Variants in CLIP3 observed in about 807,000 individuals in gnomAD.
CLIP3 encodes CAP-Gly domain containing linker protein 3.
Under a neutral mutation model 59.4 loss-of-function variants are expected in CLIP3, and 15 were observed. The ratio of observed to expected loss-of-function variants is 0.25; its 90% confidence interval spans 0.17 to 0.39. CLIP3 has a LOEUF of 0.39. CLIP3 is among the 10% of genes least tolerant of loss of function. The probability of loss-of-function intolerance (pLI) is 1.00; values close to 1 mark genes in which losing one functional copy is unlikely to be tolerated. For synonymous variants in CLIP3, 300 were observed against 321.6 expected (o/e 0.93, Z 0.72); for missense variants, 495 against 765.7 (o/e 0.65, Z 4.17).
chr19:36,024,128 C>T (rs1969026614), intron 7 of CLIP3, among the ~76,000 whole-genome samples: 2 of 152,178 alleles, frequency 1.3e-5, no homozygotes, highest in Admixed American at 1.3e-4. Context: ...CTCTGCTCAC[C>T]CCTCCCCATG....
rs1424344444 is a variant in CLIP3 at position 36,016,156 on chromosome 19, C to T, written c.*2G>A. On this transcript the variant is annotated 3_prime_UTR_variant, in exon 14 of 14. Coordinates refer to ENST00000360535, the MANE Select transcript of CLIP3 (RefSeq NM_015526.3). This position sits in a 1 kb window ranked among gnomAD's most constrained non-coding sequence, Gnocchi z 4.1. ...TGTCTCTTTGTCAGGTGTCCAGGGC[C>T]TCTAAGACTGCATCTCCGCCCTCAG... 1 of 1,613,984 alleles carries T rather than the reference C, an allele frequency of 6.2e-7. No homozygotes were observed. Among genetic ancestry groups the T allele is most frequent in the Admixed American group, 1.7e-5 (1 of 60,004 alleles).
rs766773716 is a variant in CLIP3 at position 36,024,182 on chromosome 19, GT to G, written c.918+213del. On this transcript the variant is annotated intron_variant, in intron 7 of 13. Transcript: ENST00000360535. ...GGCCGTCACTGTCAGATGACGGGTT[GT>G]TTCCCACCCTGGATGGAGAGCTCAG... Among the ~76,000 whole-genome samples the G allele has an allele frequency of 7.9e-5, 12 of 152,332 alleles. No individual in the cohort carries two copies. In the South Asian group the frequency reaches 1.9e-3, roughly 24 times the overall value.
chr19:36,032,512 A>T lies in CLIP3; in HGVS notation c.-58-97T>A, dbSNP rs115491965. 3,727 of 400,618 alleles carry T rather than the reference A, an allele frequency of 9.3e-3. 118 individuals are homozygous for T. Among genetic ancestry groups the T allele is most frequent in the African/African-American group, 0.071 (3,453 of 48,656 alleles). The allele number at this position is 400,618 out of a possible 1,614,324, so 24.8% of individuals were successfully genotyped here. ...CCCCGGGTGGCCTCCGCGCAACTGG[A>T]TCTTGGGCAACCATAGGGACCCCCG... On this transcript the variant is annotated intron_variant, in intron 1 of 13. Transcript: ENST00000360535. This position sits in a 1 kb window ranked among gnomAD's most constrained non-coding sequence, Gnocchi z 4.3.
chr19:36,025,491 T>C (rs1055381420), intron 6 of CLIP3, among the ~76,000 whole-genome samples: 11 of 150,986 alleles, frequency 7.3e-5, no homozygotes, highest in African/African-American at 2.4e-4. Context: ...CTCGGGAGGC[T>C]GAGGCAGGAG....
Position 36,017,694 on chromosome 19 carries a change from G to A in CLIP3, c.1412C>T (p.Pro471Leu), listed in dbSNP as rs200428053. The change falls in exon 11 of 14, where the codon CCG becomes CTG. Residue 471 changes from proline to leucine, a missense_variant. Pro to Leu is a moderately conservative substitution (Grantham distance 98). Transcript: ENST00000360535. The stretch of plus-strand genomic sequence containing the variant: ...TGCTGGTGCGAAGACCCCATGCCTC[G>A]GGGGGCAAGTGAAGTACCGGACACC... Reference protein sequence around the residue: ...VFGVRYFTCPPRHGVFAPASR... With the variant: ...VFGVRYFTCPLRHGVFAPASR... 5.5e-5 allele frequency: 89 copies of A among 1,613,918 alleles called. No individual in the cohort carries two copies. The Admixed American group carries it at 8.3e-4, about 15-fold the overall frequency.
intron 9 of CLIP3, among the ~76,000 whole-genome samples, chr19:36,018,627 A>AT (rs1968866880): frequency 6.6e-6 from 1 of 151,474 alleles, no homozygotes; most frequent in African/African-American, 2.4e-5. Context: ...AAAAGACAGG[A>AT]TCTCCAAGGA....
rs1163413628 is a variant in CLIP3 at position 36,032,582 on chromosome 19, TC to T, written c.-59+141del. 1.3e-5 allele frequency: 5 copies of T among 371,704 alleles called. No homozygotes were observed. The highest frequency in any genetic ancestry group is 2.4e-5 in the Non-Finnish European group (5 of 209,858). 23.0% of individuals were successfully genotyped at this position (371,704 alleles called of 1,614,324 possible). A position where few individuals can be genotyped will look rare whatever the true frequency, so the allele number is the denominator to read the frequency against. On this transcript the variant is annotated intron_variant, in intron 1 of 13. Transcript: ENST00000360535. This position sits in a 1 kb window ranked among gnomAD's most constrained non-coding sequence, Gnocchi z 4.3. ...GTGTGTGCGCCCAGCGCCTGCCACCTCCCCCAGGCCCAGCCCCCCATTCTTC... is the reference window on the plus strand; with the variant it reads ...GTGTGTGCGCCCAGCGCCTGCCACCTCCCCAGGCCCAGCCCCCCATTCTTC...
chr19:36,016,858 C>G lies in CLIP3; in HGVS notation c.1589+49G>C. ...TCTGGGTCCAACTGCCTTATGGATC[C>G]CTCTCCCTGAATGTCACATAGGAGA... On this transcript the variant is annotated intron_variant, in intron 13 of 13. Transcript: ENST00000360535. The surrounding 1 kb of genome is among the most constrained non-coding windows in gnomAD (Gnocchi z 4.1). 1 of 1,587,566 alleles carries G rather than the reference C, an allele frequency of 6.3e-7. No homozygotes were observed. Among genetic ancestry groups the G allele is most frequent in the Non-Finnish European group, 8.6e-7 (1 of 1,160,540 alleles).
intron 8 of CLIP3, 51 bp from the exon 9 acceptor site, chr19:36,019,077 C>T (rs1968882183): frequency 6.3e-7 from 1 of 1,592,742 alleles, no homozygotes; most frequent in South Asian, 1.1e-5. Flanking sequence ...TGCCCTCGGC[C>T]CCCATCCTCC....
chr19:36,018,353 C>A (rs1376099591), intron 9 of CLIP3, among the ~76,000 whole-genome samples: 1 of 152,042 alleles, frequency 6.6e-6, no homozygotes, highest in East Asian at 1.9e-4. Context: ...CCGAGGCGGG[C>A]AGATCACTTG....
At position 36,017,920 on chromosome 19, in the gene CLIP3, C is replaced by T. The variant is rs1599693286; in HGVS notation, c.1255G>A (p.Gly419Arg). ...QQRDGAKAEV[G>R]DQVLVAGQKQ... The stretch of plus-strand genomic sequence containing the variant: ...TGGCCCGCGACAAGGACCTGGTCTC[C>T]AACCTCAGCCTTGGCCCCGTCACGC... The change falls in exon 10 of 14, where the codon GGA becomes AGA. Residue 419 changes from glycine to arginine, a missense_variant. By Grantham distance (125) the Gly-to-Arg change is moderately radical (BLOSUM62 -2). Coordinates refer to ENST00000360535, the MANE Select transcript of CLIP3 (RefSeq NM_015526.3). 6.2e-7 allele frequency: 1 copy of T among 1,614,048 alleles called. No homozygotes were observed. Among genetic ancestry groups the T allele is most frequent in the Non-Finnish European group, 8.5e-7 (1 of 1,180,048 alleles).
In CLIP3 at chr19:36,016,818, C is replaced by CCCT; in HGVS notation, c.1589+88_1589+89insAGG. On this transcript the variant is annotated intron_variant, in intron 13 of 13. Transcript: ENST00000360535. This position sits in a 1 kb window ranked among gnomAD's most constrained non-coding sequence, Gnocchi z 4.1. Reference sequence around the variant, plus strand: ...TCCTAACCTCTCTTTCCAGCCCTGACCAGAGCTCCAGACCTCTGGGTCCAA... The same window carrying CCCT: ...TCCTAACCTCTCTTTCCAGCCCTGACCCTCAGAGCTCCAGACCTCTGGGTCCAA... 2 of 1,382,776 alleles carry CCCT rather than the reference C, an allele frequency of 1.4e-6. No individual in the cohort carries two copies. The highest frequency in any genetic ancestry group is 2.0e-6 in the Non-Finnish European group (2 of 988,262). 85.7% of individuals were successfully genotyped at this position (1,382,776 alleles called of 1,614,324 possible). A position where few individuals can be genotyped will look rare whatever the true frequency, so the allele number is the denominator to read the frequency against.
At chr19:36,019,594 ATTTAT>A (rs1253547614) in intron 7 of CLIP3, among the ~76,000 whole-genome samples, 13 of 113,972 alleles carry the variant, frequency 1.1e-4, no homozygotes, top group Admixed American at 2.6e-4. Flanking sequence ...TTATTTATTT[ATTTAT>A]TTTATTTATT....
Position 36,027,924 on chromosome 19 carries a change from G to C in CLIP3, c.167-653C>G, listed in dbSNP as rs557917687. Among the ~76,000 whole-genome samples, 107 of 151,610 alleles carry C rather than the reference G, an allele frequency of 7.1e-4. 1 individual carries two copies. Among genetic ancestry groups the C allele is most frequent in the African/African-American group, 2.2e-3 (91 of 41,332 alleles). On this transcript the variant is annotated intron_variant, in intron 2 of 13. Coordinates refer to ENST00000360535, the MANE Select transcript of CLIP3 (RefSeq NM_015526.3). ...GGTGGTGCGCATTGGTGCTACTCAA[G>C]GAGATTGAGACAGGAGGATTGCTTG... is the stretch of plus-strand genomic sequence containing the variant.
chr19:36,031,925 C>A (rs1259305264), intron 2 of CLIP3, among the ~76,000 whole-genome samples: 1 of 152,102 alleles, frequency 6.6e-6, no homozygotes, highest in Non-Finnish European at 1.5e-5. Flanking sequence ...TAGCATAAAG[C>A]CAGGTCCACA....
chr19:36,024,935 G>C (rs968490197), intron 6 of CLIP3, among the ~76,000 whole-genome samples: 1 of 152,014 alleles, frequency 6.6e-6, no homozygotes, highest in African/African-American at 2.4e-5. Flanking sequence ...GTGTGGTGGC[G>C]TGTGCCTGTA....
In CLIP3 at chr19:36,026,038, C is replaced by A. The variant is rs1033243229; in HGVS notation, c.681+109G>T. ...TTATTGCATTTGCTGAATGTACAGA[C>A]GGCATTTGTAGTATTTGGGGAGTCA... is the stretch of plus-strand genomic sequence containing the variant. On this transcript the variant is annotated intron_variant, in intron 6 of 13. Coordinates refer to ENST00000360535, the MANE Select transcript of CLIP3 (RefSeq NM_015526.3). This position sits in a 1 kb window ranked among gnomAD's most constrained non-coding sequence, Gnocchi z 6.3. 5 of 753,194 alleles carry A rather than the reference C, an allele frequency of 6.6e-6. No homozygotes were observed. Among genetic ancestry groups the A allele is most frequent in the Non-Finnish European group, 1.2e-5 (5 of 428,868 alleles). 46.7% of individuals were successfully genotyped at this position (753,194 alleles called of 1,614,324 possible). A position where few individuals can be genotyped will look rare whatever the true frequency, so the allele number is the denominator to read the frequency against.
intron 2 of CLIP3, among the ~76,000 whole-genome samples, chr19:36,030,808 G>C (rs1969233369): frequency 6.6e-6 from 1 of 151,946 alleles, no homozygotes; most frequent in Non-Finnish European, 1.5e-5. Flanking sequence ...TCTGCCTCAG[G>C]GCCTTTGCAC....
rs1313540568 is a variant in CLIP3, at chr19:36,017,689, G to A, written c.1417C>T (p.His473Tyr). 17 of 1,613,882 alleles carry A rather than the reference G, an allele frequency of 1.1e-5. No individual in the cohort carries two copies. Among genetic ancestry groups the A allele is most frequent in the Non-Finnish European group, 1.4e-5 (16 of 1,179,914 alleles). ...GVRYFTCPPR[H>Y]GVFAPASRIQ... ...CGGGATGCTGGTGCGAAGACCCCATGCCTCGGGGGGCAAGTGAAGTACCGG... is the reference window on the plus strand; with the variant it reads ...CGGGATGCTGGTGCGAAGACCCCATACCTCGGGGGGCAAGTGAAGTACCGG... The change falls in exon 11 of 14, where the codon CAT becomes TAT. Residue 473 changes from histidine (H) to tyrosine (Y), a missense_variant. Physicochemically the swap from His to Tyr is moderately conservative, Grantham distance 83. Transcript: ENST00000360535.
Sources: allele counts gnomAD v4.1 joint callset (sites outside exome capture counted in the v4.1 genomes callset), GRCh38; gene constraint gnomAD v4.1.1; non-coding constraint Gnocchi (gnomAD v3.1); transcripts MANE v1.5; gene names NCBI Gene and HGNC (gene_info 2026-07-23, HGNC 2026-07-21).